The following DAB1 variants were observed in gnomAD, a reference collection of about 807,000 sequenced individuals.
DAB1 encodes the protein DAB adaptor protein 1.
In DAB1, 15 loss-of-function variants were observed where a neutral mutation model predicts 64.6. That is an observed-to-expected ratio of 0.23 (90% CI 0.16 to 0.36). The LOEUF (loss-of-function observed/expected upper bound fraction) is 0.36. Ranked by LOEUF, DAB1 falls within the 10% of genes least tolerant of loss-of-function variation. The pLI is 1.00. For missense variants in DAB1, 596 were observed against 706.7 expected (o/e 0.84, Z 1.78); for synonymous variants, 235 against 251.9 (o/e 0.93, Z 0.64).
downstream of DAB1, among the ~76,000 whole-genome samples, chr1:57,822,840 A>T (rs185274440): frequency 2.8e-4 from 43 of 152,322 alleles, no homozygotes; most frequent in Admixed American, 2.2e-3. Flanking sequence ...AATCATTATT[A>T]AAAAATTAGT....
chr1:57,854,729 C>T (rs1207739463), intron 1 of DAB1, among the ~76,000 whole-genome samples: 3 of 152,110 alleles, frequency 2.0e-5, no homozygotes, highest in Non-Finnish European at 1.5e-5. Flanking sequence ...ATGTGCTGAG[C>T]TCCATTAATG....
At chr1:57,741,760 A>C (rs1274624404) in intron 6 of DAB1, among the ~76,000 whole-genome samples, 1 of 152,222 alleles carries the variant, frequency 6.6e-6, no homozygotes, top group Non-Finnish European at 1.5e-5. Context: ...GAAATACTGT[A>C]GTGATGTTTC....
chr1:57,818,154 T>A (rs192383256), intron 6 of DAB1, among the ~76,000 whole-genome samples: 1 of 151,898 alleles, frequency 6.6e-6, no homozygotes, highest in Non-Finnish European at 1.5e-5. Flanking sequence ...TACTATAGAG[T>A]GTGAGGGGTG....
chr1:58,427,672 C>T (rs1644834185), intron 3 of DAB1, among the ~76,000 whole-genome samples: 2 of 152,084 alleles, frequency 1.3e-5, no homozygotes, highest in African/African-American at 4.8e-5. Context: ...ATGCAGTTGC[C>T]ACTGAATAAG....
At chr1:57,223,855 A>C (rs964347315) in intron 2 of DAB1, among the ~76,000 whole-genome samples, 6 of 152,134 alleles carry the variant, frequency 3.9e-5, no homozygotes, top group African/African-American at 1.4e-4. Context: ...GCTGTGCTAC[A>C]CAGCCTCTCT....
upstream of DAB1, among the ~76,000 whole-genome samples, chr1:57,424,572 T>C (rs981589686): frequency 1.3e-5 from 2 of 151,920 alleles, no homozygotes; most frequent in East Asian, 3.9e-4. Context: ...CTCTCATTTT[T>C]CTCTAAGATC....
chr1:57,795,972 C>T (rs1650839165), intron 6 of DAB1, among the ~76,000 whole-genome samples: 1 of 151,274 alleles, frequency 6.6e-6, no homozygotes, highest in East Asian at 1.9e-4. Flanking sequence ...CTATAAGGAG[C>T]TATATAAAAC....
intron 7 of DAB1, among the ~76,000 whole-genome samples, chr1:57,445,633 C>T (rs1203270527): frequency 2.0e-5 from 3 of 152,094 alleles, no homozygotes; most frequent in Non-Finnish European, 2.9e-5. Context: ...CCAAGGACTC[C>T]AAGAGAGAAT....
chr1:57,408,301 G>A (rs894798277), intron 1 of DAB1, among the ~76,000 whole-genome samples: 1 of 152,078 alleles, frequency 6.6e-6, no homozygotes, highest in Non-Finnish European at 1.5e-5. Context: ...TTTTAGAAAA[G>A]GCAGCATATA....
At chr1:58,232,244 T>C (rs1424517173) in intron 4 of DAB1, among the ~76,000 whole-genome samples, 2 of 152,146 alleles carry the variant, frequency 1.3e-5, no homozygotes, top group African/African-American at 2.4e-5. Context: ...TCTGGAAATA[T>C]GAGAAGAGAC....
At chr1:57,135,913 T>C (rs1452005988) in intron 4 of DAB1, among the ~76,000 whole-genome samples, 1 of 152,152 alleles carries the variant, frequency 6.6e-6, no homozygotes, top group Non-Finnish European at 1.5e-5. Context: ...AGAAGGTTTT[T>C]CTATTTTCCT....
chr1:57,316,553 G>A lies in DAB1; in HGVS notation c.-136-25387C>T, dbSNP rs568961463. 1.1e-4 allele frequency among the ~76,000 whole-genome samples: 17 copies of A among 152,230 alleles called. 1 individual carries two copies. The South Asian group carries it at 2.3e-3, about 20-fold the overall frequency. ...TATTGGCAGCGCTAAAATGGCCAGG[G>A]GGTCAGTCAGAGCTCAGCTGCCCAC... is the stretch of plus-strand genomic sequence containing the variant. On this transcript the variant is annotated intron_variant, in intron 1 of 14. Transcript: ENST00000371236.
At chr1:57,799,300 C>G (rs1651014510) in intron 6 of DAB1, among the ~76,000 whole-genome samples, 1 of 152,186 alleles carries the variant, frequency 6.6e-6, no homozygotes, top group South Asian at 2.1e-4. Flanking sequence ...TACAGAAAAG[C>G]TGGGCTGCTG....
chr1:58,167,792 C>A (rs1447111992), intron 4 of DAB1, among the ~76,000 whole-genome samples: 9 of 152,168 alleles, frequency 5.9e-5, no homozygotes, highest in Non-Finnish European at 1.2e-4. Flanking sequence ...ACACTCACGG[C>A]AAAGGTCTGT....
chr1:58,522,423 T>C (rs1225566220), intron 2 of DAB1, among the ~76,000 whole-genome samples: 1 of 152,150 alleles, frequency 6.6e-6, no homozygotes, highest in Non-Finnish European at 1.5e-5. Context: ...ACTCTTTCAT[T>C]TGATAAAAAA....
At chr1:57,160,717 T>A (rs191247183) in intron 2 of DAB1, among the ~76,000 whole-genome samples, 1 of 152,306 alleles carries the variant, frequency 6.6e-6, no homozygotes, top group Admixed American at 6.5e-5. Flanking sequence ...TCCATTCTCA[T>A]CTGGTGTTGC....
At chr1:58,068,975 G>A (rs1305353732) in intron 5 of DAB1, among the ~76,000 whole-genome samples, 1 of 152,062 alleles carries the variant, frequency 6.6e-6, no homozygotes, top group African/African-American at 2.4e-5. Context: ...CTCTGACCCT[G>A]GAGGGCTGGG....
At chr1:57,444,516 C>T (rs1446269580) in intron 7 of DAB1, among the ~76,000 whole-genome samples, 1 of 152,082 alleles carries the variant, frequency 6.6e-6, no homozygotes, top group Non-Finnish European at 1.5e-5. Context: ...GAATCAGTGA[C>T]TGTTACCTTA....
At chr1:58,091,968 A>ACACACACACACACACAC (rs1553159212) in intron 5 of DAB1, among the ~76,000 whole-genome samples, 18 of 151,470 alleles carry the variant, frequency 1.2e-4, no homozygotes, top group African/African-American at 4.4e-4. Flanking sequence ...ACACACACAC[A>ACACACACACACACACAC]AACTAACATA....
Sources: gnomAD v4.1 joint callset for allele counts (sites outside exome capture counted in the v4.1 genomes callset) on GRCh38, gnomAD v4.1.1 for gene constraint, MANE v1.5 for transcripts, NCBI Gene and HGNC (gene_info 2026-07-23, HGNC 2026-07-21) for gene names.